TES: variants seen among roughly 807,000 people sequenced by gnomAD.
TES encodes the protein testin.
TES carries 41 observed loss-of-function variants against 48.2 expected under a neutral mutation model. The observed-to-expected ratio is 0.85, with a 90% CI of 0.66 to 1.10. The LOEUF (loss-of-function observed/expected upper bound fraction) is 1.10. TES is among the 50% of genes least tolerant of loss of function. TES has a pLI of 0.00. For missense variants in TES, 463 were observed against 515.1 expected, an observed-to-expected ratio of 0.90 and a Z score of 0.98; for synonymous variants, 162 against 174.9, an observed-to-expected ratio of 0.93 and a Z score of 0.58.
intron 6 of TES, among the ~76,000 whole-genome samples, chr7:116,253,331 A>G (rs1217721666): frequency 6.6e-6 from 1 of 152,156 alleles, no homozygotes; most frequent in Non-Finnish European, 1.5e-5. Context: ...GCGTTCACCC[A>G]TTGCCCCAGA....
intron 1 of TES, among the ~76,000 whole-genome samples, chr7:116,214,708 A>G (rs1424492077): frequency 1.3e-5 from 2 of 152,176 alleles, no homozygotes; most frequent in African/African-American, 4.8e-5. Context: ...ATGCTGTCCT[A>G]TGAAGTAGAA....
In TES at chr7:116,250,466, C is replaced by A; in HGVS notation, c.672C>A (p.Asp224Glu). The change falls in exon 4 of 7, where the codon GAC becomes GAA. Residue 224 changes from aspartate to glutamate, a missense_variant. Transcript: ENST00000358204. ...CAGCAGCAGTGGGGGCCATGGAGGACAAATCTGCTGAGCACAAAAGAACTC... is the reference window on the plus strand; with the variant it reads ...CAGCAGCAGTGGGGGCCATGGAGGAAAAATCTGCTGAGCACAAAAGAACTC... ...STPAAVGAME[D>E]KSAEHKRTQY... 2 of 1,573,900 alleles carry A rather than the reference C, an allele frequency of 1.3e-6. No homozygotes were observed. The highest frequency in any genetic ancestry group is 1.2e-5 in the South Asian group (1 of 83,096).
At chr7:116,214,484 G>A (rs1799471889) in intron 1 of TES, among the ~76,000 whole-genome samples, 1 of 152,136 alleles carries the variant, frequency 6.6e-6, no homozygotes, top group Non-Finnish European at 1.5e-5. Flanking sequence ...GGTAGGGCAA[G>A]GCACATCCAG....
chr7:116,234,597 G>A lies in TES; in HGVS notation c.91G>A (p.Gly31Arg). 6.2e-7 allele frequency: 1 copy of A among 1,613,854 alleles called. No homozygotes were observed. Among genetic ancestry groups the A allele is most frequent in the Non-Finnish European group, 8.5e-7 (1 of 1,179,826 alleles). ...PCLKCKEKCE[G>R]FELHFWRKIC... is the part of the protein sequence containing the mutation. Reference sequence around the variant, plus strand: ...TTTAAAATGCAAAGAAAAATGTGAAGGATTCGAACTGCACTTCTGGAGGTA... The same window carrying A: ...TTTAAAATGCAAAGAAAAATGTGAAAGATTCGAACTGCACTTCTGGAGGTA... The change falls in exon 2 of 7, where the codon GGA (glycine) becomes AGA (arginine). Residue 31 changes from glycine to arginine, a missense_variant. Physicochemically the swap from Gly to Arg is moderately radical, Grantham distance 125. Coordinates refer to ENST00000358204, the MANE Select transcript of TES (RefSeq NM_015641.4).
intron 2 of TES, among the ~76,000 whole-genome samples, chr7:116,241,074 A>G (rs922820436): frequency 2.6e-5 from 4 of 152,202 alleles, no homozygotes; most frequent in South Asian, 2.1e-4. Flanking sequence ...GAAATTGAAT[A>G]TGTGATAAAC....
chr7:116,240,352 TTTC>T (rs746352331), intron 2 of TES, among the ~76,000 whole-genome samples: 1 of 152,086 alleles, frequency 6.6e-6, no homozygotes, highest in Non-Finnish European at 1.5e-5. Flanking sequence ...TAAAGGATAG[TTTC>T]TTGATTTTTT....
chr7:116,246,946 C>CTTTTTTTTTTTTTTTTTTTT (rs148032626), intron 2 of TES, among the ~76,000 whole-genome samples: 4 of 131,046 alleles, frequency 3.1e-5, no homozygotes, highest in African/African-American at 8.8e-5. Context: ...AGACTAGGCC[C>CTTTTTTTTTTTTTTTTTTTT]CTTTTTTTTT....
intron 6 of TES, chr7:116,255,119 T>C (rs1800078496): frequency 6.6e-6 from 1 of 151,534 alleles, no homozygotes; most frequent in Non-Finnish European, 1.5e-5. Flanking sequence ...TGCACCTACT[T>C]TGTCTCTGTG....
At position 116,250,273 on chromosome 7, in the gene TES, A is replaced by T; in HGVS notation, c.479A>T (p.Asp160Val). The change falls in exon 4 of 7, where the codon GAC (aspartate) becomes GTC (valine). Residue 160 changes from aspartate (D) to valine (V), a missense_variant. Transcript: ENST00000358204. ...LAKQLPAHDQ[D>V]PSKCHELSPR... ...AAGCAGCTCCCTGCACATGACCAGGACCCTTCAAAGTGCCATGAGTTGTCT... is the reference window on the plus strand; with the variant it reads ...AAGCAGCTCCCTGCACATGACCAGGTCCCTTCAAAGTGCCATGAGTTGTCT... 6.2e-7 allele frequency: 1 copy of T among 1,613,540 alleles called. No homozygotes were observed.
At chr7:116,255,189 T>A (rs1800080150) in intron 6 of TES, 1 of 152,166 alleles carries the variant, frequency 6.6e-6, no homozygotes, top group African/African-American at 2.4e-5. Context: ...CATAGGACAC[T>A]CCTGCAGAGA....
rs1158334488 is a variant in TES, at chr7:116,250,244, G to T, written c.450G>T (p.Leu150=). ...SEGAQYRKKQ[L]AKQLPAHDQD... The stretch of plus-strand genomic sequence containing the variant: ...GGGCACAGTACCGGAAGAAGCAGCT[G>T]GCAAAGCAGCTCCCTGCACATGACC... The change falls in exon 4 of 7, where the codon CTG becomes CTT. Residue 150 remains leucine (L), a synonymous_variant. Transcript: ENST00000358204. 1 of 1,609,460 alleles carries T rather than the reference G, an allele frequency of 6.2e-7. No individual in the cohort carries two copies. Among genetic ancestry groups the T allele is most frequent in the South Asian group, 1.1e-5 (1 of 90,200 alleles).
At position 116,250,221 on chromosome 7, in the gene TES, GC is replaced by G. The variant is rs746147316; in HGVS notation, c.428del (p.Ala143AspfsTer30). On this transcript the variant is annotated frameshift_variant, in exon 4 of 7. Coordinates refer to ENST00000358204, the MANE Select transcript of TES (RefSeq NM_015641.4). LOFTEE classifies it high-confidence loss of function. ...GCAGCCAGTAGCAGGCTCAGAGGGG[GC>G]ACAGTACCGGAAGAAGCAGCTGGCA... Reference protein sequence around the residue: ...EKQPVAGSEGAQYRKKQLAKQ... With the variant: ...EKQPVAGSEGXQYRKKQLAKQ... 1 of 1,598,912 alleles carries G rather than the reference GC, an allele frequency of 6.3e-7. No individual in the cohort carries two copies. Among genetic ancestry groups the G allele is most frequent in the East Asian group, 2.2e-5 (1 of 44,530 alleles).
Position 116,250,197 on chromosome 7 carries a change from C to T in TES, c.403C>T (p.Gln135Ter). 2 of 1,562,278 alleles carry T rather than the reference C, an allele frequency of 1.3e-6. No homozygotes were observed. The highest frequency in any genetic ancestry group is 1.7e-6 in the Non-Finnish European group (2 of 1,159,154). ...CATGCAGATGCTACCCAAGGAAAAG[C>T]AGCCAGTAGCAGGCTCAGAGGGGGC... ...QYMQMLPKEK[Q>*]PVAGSEGAQY... Residue 135 changes from glutamine to a stop codon, truncating the protein, a stop_gained, in exon 4 of 7, where the codon CAG becomes TAG. Transcript: ENST00000358204. LOFTEE classifies it high-confidence loss of function.
chr7:116,236,152 T>C (rs919372708), intron 2 of TES, among the ~76,000 whole-genome samples: 1 of 152,220 alleles, frequency 6.6e-6, no homozygotes. Flanking sequence ...AGAACATCTC[T>C]GCTCTTAATG....
At chr7:116,222,290 C>T (rs1040505701) in intron 1 of TES, among the ~76,000 whole-genome samples, 2 of 152,064 alleles carry the variant, frequency 1.3e-5, no homozygotes, top group African/African-American at 4.8e-5. Context: ...TCTTTTTGCA[C>T]CCCCTTTTCT....
At position 116,234,356 on chromosome 7, in the gene TES, G is replaced by A. The variant is rs141369271; in HGVS notation, c.28-178G>A. The stretch of plus-strand genomic sequence containing the variant: ...AAAAAGCAATCAGAATATAAAATAT[G>A]TTATGTATGTACTTGGAACTGCCAT... On this transcript the variant is annotated intron_variant, in intron 1 of 6. Coordinates refer to ENST00000358204, the MANE Select transcript of TES (RefSeq NM_015641.4). 2.0e-3 allele frequency among the ~76,000 whole-genome samples: 297 copies of A among 152,232 alleles called. 2 individuals carry two copies. The highest frequency in any genetic ancestry group is 6.7e-3 in the African/African-American group (277 of 41,526).
intron 6 of TES, among the ~76,000 whole-genome samples, chr7:116,256,017 A>T (rs181811509): frequency 1.3e-5 from 2 of 152,202 alleles, no homozygotes; most frequent in Non-Finnish European, 1.5e-5. Context: ...TGCACATTAG[A>T]AATGTGCTTG....
Position 116,257,520 on chromosome 7 carries a change from A to C in TES, c.*38A>C, listed in dbSNP as rs1285987701. ...CAGAAGTATCGAGCCATAGCTATCC[A>C]AAGTGGTCTGCATTTCTACTGTAAA... is the stretch of plus-strand genomic sequence containing the variant. On this transcript the variant is annotated 3_prime_UTR_variant, in exon 7 of 7. Transcript: ENST00000358204. The C allele has an allele frequency of 6.9e-7, 1 of 1,451,740 alleles. No homozygotes were observed. The highest frequency in any genetic ancestry group is 1.4e-5 in the African/African-American group (1 of 70,174). The allele number at this position is 1,451,740 out of a possible 1,614,324, so 89.9% of individuals were successfully genotyped here.
chr7:116,233,504 C>CTCTA (rs1204323606), intron 1 of TES, among the ~76,000 whole-genome samples: 2 of 152,190 alleles, frequency 1.3e-5, no homozygotes, highest in Non-Finnish European at 2.9e-5. Context: ...GAACTCAAAT[C>CTCTA]TCTACCATTT....
Sources: gnomAD v4.1 joint callset for allele counts (sites outside exome capture counted in the v4.1 genomes callset) on GRCh38, gnomAD v4.1.1 for gene constraint, MANE v1.5 for transcripts, NCBI Gene and HGNC (gene_info 2026-07-23, HGNC 2026-07-21) for gene names.